The following PTPRK variants were observed in gnomAD, a reference collection of about 807,000 sequenced individuals.
PTPRK encodes the protein protein tyrosine phosphatase receptor type K, also known as receptor-type tyrosine-protein phosphatase kappa.
Under a neutral mutation model 178.0 loss-of-function variants are expected in PTPRK, and 75 were observed. The observed-to-expected ratio is 0.42, with a 90% CI of 0.35 to 0.51. The LOEUF (loss-of-function observed/expected upper bound fraction) is 0.51, where lower values mean the gene tolerates loss of function less well. Among genes scored for constraint, PTPRK ranks in the 20% least tolerant of loss-of-function variants. PTPRK has a pLI of 0.02. For missense variants in PTPRK, 1,441 were observed against 1,797.8 expected (o/e 0.80, Z 3.59); for synonymous variants, 637 against 620.6 (o/e 1.03, Z -0.39).
At position 128,006,934 on chromosome 6, in the gene PTPRK, G is replaced by A. The variant is rs374054847; in HGVS notation, c.2334-1690C>T. Among the ~76,000 whole-genome samples, 10 of 150,772 alleles carry A rather than the reference G, an allele frequency of 6.6e-5. No homozygotes were observed. The East Asian group carries it at 1.2e-3, about 18-fold the overall frequency. ...CCAAAAAGACATGGAACTGTTTTCCGCATAAGAAATATATCTACATGTATT... is the reference window on the plus strand; with the variant it reads ...CCAAAAAGACATGGAACTGTTTTCCACATAAGAAATATATCTACATGTATT... On this transcript the variant is annotated intron_variant, in intron 14 of 29. Transcript: ENST00000368226.
At chr6:128,471,188 T>C (rs1425391581) in intron 1 of PTPRK, among the ~76,000 whole-genome samples, 1 of 152,024 alleles carries the variant, frequency 6.6e-6, no homozygotes, top group African/African-American at 2.4e-5. Context: ...GGTCAGAGAA[T>C]ACATATATTC....
At position 128,519,215 on chromosome 6, in the gene PTPRK, G is replaced by A. The variant is rs1173113756; in HGVS notation, c.100+1044C>T. ...AGTGCTCGGGAGCCCGCTCCCCAGCGTCCACCTGGTGAAACTTCAGAGCCC... is the reference window on the plus strand; with the variant it reads ...AGTGCTCGGGAGCCCGCTCCCCAGCATCCACCTGGTGAAACTTCAGAGCCC... On this transcript the variant is annotated intron_variant, in intron 1 of 29. Coordinates refer to ENST00000368226, the MANE Select transcript of PTPRK (RefSeq NM_002844.4). The surrounding 1 kb of genome is among the most constrained non-coding windows in gnomAD (Gnocchi z 4.3). 3 of 442,010 alleles carry A rather than the reference G, an allele frequency of 6.8e-6. No individual in the cohort carries two copies. Among genetic ancestry groups the A allele is most frequent in the Non-Finnish European group, 4.6e-6 (1 of 217,372 alleles). 27.4% of individuals were successfully genotyped at this position (442,010 alleles called of 1,614,324 possible).
At chr6:128,150,753 G>A (rs189536371) in intron 7 of PTPRK, among the ~76,000 whole-genome samples, 2 of 152,154 alleles carry the variant, frequency 1.3e-5, no homozygotes, top group East Asian at 3.9e-4. Flanking sequence ...GCAACGCTAT[G>A]AAAAAGACAG....
chr6:128,399,120 G>T (rs1213652624), intron 1 of PTPRK, among the ~76,000 whole-genome samples: 1 of 152,094 alleles, frequency 6.6e-6, no homozygotes, highest in East Asian at 1.9e-4. Context: ...GGATCTCTGT[G>T]CAGAAACTCA....
At chr6:128,390,656 A>G (rs946640005) in intron 2 of PTPRK, among the ~76,000 whole-genome samples, 1 of 152,174 alleles carries the variant, frequency 6.6e-6, no homozygotes, top group Non-Finnish European at 1.5e-5. Context: ...CTTTTATATT[A>G]GACAGACAGA....
chr6:128,210,218 A>G (rs989430938), intron 6 of PTPRK, among the ~76,000 whole-genome samples: 1 of 152,184 alleles, frequency 6.6e-6, no homozygotes, highest in Non-Finnish European at 1.5e-5. Flanking sequence ...TATACATATT[A>G]CAAACAAATT....
chr6:128,115,772 C>T (rs1040070601), intron 7 of PTPRK, among the ~76,000 whole-genome samples: 2 of 152,076 alleles, frequency 1.3e-5, no homozygotes, highest in Non-Finnish European at 2.9e-5. Context: ...TTAATGTTCA[C>T]ATGGTATTAC....
chr6:128,126,924 G>T (rs1037071468), intron 7 of PTPRK, among the ~76,000 whole-genome samples: 1 of 151,686 alleles, frequency 6.6e-6, no homozygotes, highest in African/African-American at 2.4e-5. Context: ...GAAAATTCCT[G>T]TTTGTGTCAC....
chr6:128,234,708 GTCTA>G (rs572381340), intron 5 of PTPRK, among the ~76,000 whole-genome samples: 205 of 152,216 alleles, frequency 1.3e-3, no homozygotes, highest in African/African-American at 4.3e-3. Flanking sequence ...GCCACAAATT[GTCTA>G]TCTATTATCC....
intron 7 of PTPRK, among the ~76,000 whole-genome samples, chr6:128,098,852 T>C (rs893943388): frequency 2.0e-5 from 3 of 152,086 alleles, no homozygotes; most frequent in Admixed American, 6.6e-5. Flanking sequence ...CACGGTAGTA[T>C]GGTATATGCC....
chr6:128,406,719 T>A (rs1193048086), intron 1 of PTPRK, among the ~76,000 whole-genome samples: 1 of 152,170 alleles, frequency 6.6e-6, no homozygotes, highest in East Asian at 1.9e-4. Flanking sequence ...TAGTGAAACT[T>A]TTAAGATAAT....
At chr6:128,313,598 A>G (rs1827568214) in intron 3 of PTPRK, among the ~76,000 whole-genome samples, 1 of 152,160 alleles carries the variant, frequency 6.6e-6, no homozygotes, top group Non-Finnish European at 1.5e-5. Context: ...TACATCCTAA[A>G]AAAAAGAATG....
chr6:128,192,026 A>T (rs1416496255), intron 6 of PTPRK, among the ~76,000 whole-genome samples: 1 of 152,200 alleles, frequency 6.6e-6, no homozygotes, highest in African/African-American at 2.4e-5. Flanking sequence ...TGATAACAGT[A>T]TTTTTGGAAA....
chr6:128,072,696 A>G (rs1783044387), intron 11 of PTPRK, among the ~76,000 whole-genome samples: 1 of 152,020 alleles, frequency 6.6e-6, no homozygotes, highest in Non-Finnish European at 1.5e-5. Flanking sequence ...AAATATACTA[A>G]ACATACAGTC....
chr6:128,153,277 T>C (rs1263417739), intron 7 of PTPRK, among the ~76,000 whole-genome samples: 1 of 151,608 alleles, frequency 6.6e-6, no homozygotes, highest in Non-Finnish European at 1.5e-5. Context: ...AATGGCAAGA[T>C]AGTGAAGACT....
At chr6:128,340,758 C>T (rs200146432) in intron 2 of PTPRK, 19 of 465,646 alleles carry the variant, frequency 4.1e-5, no homozygotes, top group Non-Finnish European at 5.9e-5. Context: ...ATAGGTACTT[C>T]TTTGTTTTAT....
intron 3 of PTPRK, among the ~76,000 whole-genome samples, chr6:128,320,284 T>C (rs902153148): frequency 5.3e-5 from 8 of 152,164 alleles, no homozygotes; most frequent in African/African-American, 1.7e-4. Context: ...ATCTGTGCCA[T>C]GAGAAAATGT....
At chr6:128,464,313 G>A (rs1477863899) in intron 1 of PTPRK, among the ~76,000 whole-genome samples, 2 of 151,760 alleles carry the variant, frequency 1.3e-5, no homozygotes, top group East Asian at 1.9e-4. Flanking sequence ...AAAATATGAA[G>A]ACATAAACTA....
chr6:128,507,181 A>C (rs1009282066), intron 1 of PTPRK, among the ~76,000 whole-genome samples: 2 of 152,156 alleles, frequency 1.3e-5, no homozygotes, highest in African/African-American at 4.8e-5. Flanking sequence ...GGAGATCAGC[A>C]TTTGATAAGT....
Sources: gnomAD v4.1 joint callset for allele counts (sites outside exome capture counted in the v4.1 genomes callset) on GRCh38, gnomAD v4.1.1 for gene constraint, Gnocchi (gnomAD v3.1) non-coding constraint, MANE v1.5 for transcripts, NCBI Gene and HGNC (gene_info 2026-07-23, HGNC 2026-07-21) for gene names.